Variants in DISP1 observed in about 807,000 individuals in gnomAD.
DISP1 encodes dispatched RND transporter family member 1.
DISP1 carries 30 observed loss-of-function variants against 37.3 expected under a neutral mutation model. The observed-to-expected ratio is 0.80, with a 90% CI of 0.60 to 1.09. The LOEUF is 1.09. DISP1 is among the 50% of genes least tolerant of loss of function. The probability of loss-of-function intolerance (pLI) is 0.00; values close to 1 mark genes in which losing one functional copy is unlikely to be tolerated. For synonymous variants in DISP1, 634 were observed against 690.2 expected (o/e 0.92, Z 1.28); for missense variants, 1,598 against 1,879.5 (o/e 0.85, Z 2.77).
At chr1:222,972,166 G>A (rs1199492996) in intron 3 of DISP1, among the ~76,000 whole-genome samples, 1 of 151,868 alleles carries the variant, frequency 6.6e-6, no homozygotes, top group South Asian at 2.1e-4. Flanking sequence ...ACATGCATAG[G>A]ATATATAAAC....
rs79896501 is a variant in DISP1 at position 222,932,979 on chromosome 1, G to A, written c.-18+4409G>A. On this transcript the variant is annotated intron_variant, in intron 2 of 8. Transcript: ENST00000675850. ...ATTTCTGTTCCCACATAGACCAAAG[G>A]TACATTGGATGTAAAACAAAATGAG... 1.1e-4 allele frequency among the ~76,000 whole-genome samples: 17 copies of A among 151,972 alleles called. No individual in the cohort carries two copies. The East Asian group carries it at 3.3e-3, about 29-fold the overall frequency.
intron 1 of DISP1, among the ~76,000 whole-genome samples, chr1:222,923,690 A>G (rs1672931764): frequency 6.6e-6 from 1 of 152,166 alleles, no homozygotes; most frequent in Non-Finnish European, 1.5e-5. Flanking sequence ...CCAGTGGAGA[A>G]TCTATGATAG....
chr1:222,936,922 T>TAATATGTAATATATATTATATATTAC (rs1558340494), intron 2 of DISP1, among the ~76,000 whole-genome samples: 1 of 73,132 alleles, frequency 1.4e-5, no homozygotes, highest in African/African-American at 4.9e-5. Flanking sequence ...TTATATATTA[T>TAATATGTAATATATATTATATATTAC]ATAATATGTA....
At chr1:222,900,161 G>A (rs1572461038) in intron 1 of DISP1, among the ~76,000 whole-genome samples, 1 of 152,134 alleles carries the variant, frequency 6.6e-6, no homozygotes, top group South Asian at 2.1e-4. Context: ...AATTGAGATT[G>A]AATATAGTAC....
chr1:222,960,053 C>T (rs1675937269), intron 3 of DISP1, among the ~76,000 whole-genome samples: 1 of 152,072 alleles, frequency 6.6e-6, no homozygotes, highest in African/African-American at 2.4e-5. Flanking sequence ...ACCCCACTAT[C>T]AATATTAGAT....
At chr1:222,819,896 G>T (rs1446619436) in intron 1 of DISP1, among the ~76,000 whole-genome samples, 2 of 151,670 alleles carry the variant, frequency 1.3e-5, no homozygotes, top group African/African-American at 4.8e-5. Flanking sequence ...TTTTAATTTT[G>T]TAACTATATT....
At chr1:222,837,279 A>G (rs1410446421) in intron 1 of DISP1, 1 of 388,748 alleles carries the variant, frequency 2.6e-6, no homozygotes, top group Non-Finnish European at 4.5e-6. Flanking sequence ...AGCAGAACTG[A>G]CTGGCTAGTC....
At chr1:222,988,906 G>A (rs896573992) in intron 4 of DISP1, among the ~76,000 whole-genome samples, 3 of 152,286 alleles carry the variant, frequency 2.0e-5, no homozygotes, top group South Asian at 4.1e-4. Context: ...GACTGCCTCA[G>A]CGTCCCAAAG....
Position 222,978,383 on chromosome 1 carries a change from G to C in DISP1, c.510-4697G>C, listed in dbSNP as rs545977935. ...TTGATGGGGTTGTTTGTTTTTTCTT[G>C]TAAATTTGTTTGAGTTCATTGTAGA... On this transcript the variant is annotated intron_variant, in intron 3 of 8. Coordinates refer to ENST00000675850, the MANE Select transcript of DISP1 (RefSeq NM_001377229.1). Among the ~76,000 whole-genome samples, 285 of 152,126 alleles carry C rather than the reference G, an allele frequency of 1.9e-3. 1 individual carries two copies. The highest frequency in any genetic ancestry group is 6.6e-3 in the African/African-American group (276 of 41,508).
intron 1 of DISP1, among the ~76,000 whole-genome samples, chr1:222,846,584 A>G (rs1354659013): frequency 6.6e-6 from 1 of 152,252 alleles, no homozygotes; most frequent in Non-Finnish European, 1.5e-5. Context: ...AGGGAAGAGG[A>G]GAAATCTGAT....
intron 2 of DISP1, among the ~76,000 whole-genome samples, chr1:222,935,628 C>T (rs1196893991): frequency 5.3e-5 from 8 of 152,116 alleles, no homozygotes; most frequent in Non-Finnish European, 8.8e-5. Context: ...ACAATTTTAA[C>T]AGTTGATGGG....
intron 1 of DISP1, among the ~76,000 whole-genome samples, chr1:222,887,052 A>G (rs1262318545): frequency 1.3e-5 from 2 of 152,232 alleles, no homozygotes; most frequent in Non-Finnish European, 2.9e-5. Context: ...TTTGTGATTG[A>G]GACATTTTTT....
intron 2 of DISP1, among the ~76,000 whole-genome samples, chr1:222,934,491 C>T (rs1333528228): frequency 6.6e-6 from 1 of 152,098 alleles, no homozygotes; most frequent in Non-Finnish European, 1.5e-5. Flanking sequence ...ATTTATTTCT[C>T]TGGCCATAAC....
Position 222,847,072 on chromosome 1 carries a change from G to A in DISP1, c.-159+31994G>A, listed in dbSNP as rs143112611. ...TGACCATTAATAAGGATATTCTGTCGGTGTTTGTCTAGATATGCAGACATC... is the reference window on the plus strand; with the variant it reads ...TGACCATTAATAAGGATATTCTGTCAGTGTTTGTCTAGATATGCAGACATC... On this transcript the variant is annotated intron_variant, in intron 1 of 8. Coordinates refer to ENST00000675850, the MANE Select transcript of DISP1 (RefSeq NM_001377229.1). Among the ~76,000 whole-genome samples the A allele has an allele frequency of 7.2e-5, 11 of 152,116 alleles. No individual in the cohort carries two copies. The East Asian group carries it at 1.2e-3, about 16-fold the overall frequency.
Position 222,943,425 on chromosome 1 carries a change from A to G in DISP1, c.509+93A>G, listed in dbSNP as rs1019421948. On this transcript the variant is annotated intron_variant, in intron 3 of 8. Coordinates refer to ENST00000675850, the MANE Select transcript of DISP1 (RefSeq NM_001377229.1). ...ATTTTCCTGAAAGGAGAGGAGAAAA[A>G]TGAGGCACAGAAAGAAAACATGAAA... is the stretch of plus-strand genomic sequence containing the variant. 67 of 1,552,214 alleles carry G rather than the reference A, an allele frequency of 4.3e-5. No homozygotes were observed. In the African/African-American group the frequency reaches 7.1e-4, roughly 16 times the overall value.
At chr1:222,877,186 CA>C (rs1211928345) in intron 1 of DISP1, among the ~76,000 whole-genome samples, 1 of 152,144 alleles carries the variant, frequency 6.6e-6, no homozygotes, top group Non-Finnish European at 1.5e-5. Context: ...GAGGAATAAA[CA>C]GCTTATCCAA....
chr1:222,900,247 A>T lies in DISP1; in HGVS notation c.-158-28183A>T, dbSNP rs148860955. On this transcript the variant is annotated intron_variant, in intron 1 of 8. Transcript: ENST00000675850. ...AATTCTATCACTTTCTCATTGTATGACTAGGGACAACGTTTTTAAGCCTTA... is the reference window on the plus strand; with the variant it reads ...AATTCTATCACTTTCTCATTGTATGTCTAGGGACAACGTTTTTAAGCCTTA... 2.3e-3 allele frequency among the ~76,000 whole-genome samples: 350 copies of T among 152,284 alleles called. 3 individuals carry two copies. Among genetic ancestry groups the T allele is most frequent in the African/African-American group, 7.7e-3 (320 of 41,572 alleles).
chr1:222,977,880 G>T (rs1398485156), intron 3 of DISP1, among the ~76,000 whole-genome samples: 1 of 152,112 alleles, frequency 6.6e-6, no homozygotes, highest in Non-Finnish European at 1.5e-5. Context: ...ACTTTTTATG[G>T]CTGCATAGTA....
intron 1 of DISP1, among the ~76,000 whole-genome samples, chr1:222,899,251 G>C (rs1011482022): frequency 9.2e-5 from 14 of 152,140 alleles, no homozygotes; most frequent in South Asian, 8.3e-4. Flanking sequence ...GAGGAGTTGT[G>C]GGGGGAGCAA....
Sources: gnomAD v4.1 joint callset for allele counts (sites outside exome capture counted in the v4.1 genomes callset) on GRCh38, gnomAD v4.1.1 for gene constraint, MANE v1.5 for transcripts, NCBI Gene and HGNC (gene_info 2026-07-23, HGNC 2026-07-21) for gene names.